PRR16: variants seen among roughly 807,000 people sequenced by gnomAD.
PRR16 encodes the protein proline rich 16.
A neutral mutation model predicts 18.2 loss-of-function variants in PRR16; 6 were observed. The observed-to-expected ratio is 0.33, with a 90% confidence interval of 0.18 to 0.65. The LOEUF (loss-of-function observed/expected upper bound fraction) is 0.65, where lower values mean the gene tolerates loss of function less well. Ranked by LOEUF, PRR16 falls within the 30% of genes least tolerant of loss-of-function variation. The probability of loss-of-function intolerance (pLI) is 0.74; values close to 1 mark genes in which losing one functional copy is unlikely to be tolerated. For synonymous variants in PRR16, 151 were observed against 147.8 expected (o/e 1.02, Z -0.16); for missense variants, 412 against 376.6 (o/e 1.09, Z -0.78).
At chr5:120,558,755 T>G (rs373811120) in intron 1 of PRR16, among the ~76,000 whole-genome samples, 18 of 152,092 alleles carry the variant, frequency 1.2e-4, no homozygotes, top group Admixed American at 3.9e-4. Context: ...CTAATTTACA[T>G]TCCCACCAAC....
At chr5:120,678,526 G>T (rs1356009190) in intron 1 of PRR16, among the ~76,000 whole-genome samples, 3 of 152,140 alleles carry the variant, frequency 2.0e-5, no homozygotes, top group South Asian at 2.1e-4. Flanking sequence ...GTGCTTATAT[G>T]TTCTGAGGGG....
intron 1 of PRR16, among the ~76,000 whole-genome samples, chr5:120,560,146 T>G (rs1752532130): frequency 6.6e-6 from 1 of 151,832 alleles, no homozygotes; most frequent in Non-Finnish European, 1.5e-5. Flanking sequence ...TTGTCCGATT[T>G]TTTTAGCTAG....
intron 1 of PRR16, among the ~76,000 whole-genome samples, chr5:120,470,116 A>G (rs1007332875): frequency 6.6e-6 from 1 of 152,206 alleles, no homozygotes; most frequent in African/African-American, 2.4e-5. Flanking sequence ...TTCCCAAACT[A>G]TAGAACTTTT....
At chr5:120,674,095 T>C (rs76399349) in intron 1 of PRR16, among the ~76,000 whole-genome samples, 8,408 of 152,236 alleles carry the variant, frequency 0.055, 619 homozygotes, top group African/African-American at 0.16. Context: ...ATCTAAACTC[T>C]TACATGTCGA....
At chr5:120,464,282 C>T (rs1749002263), upstream of PRR16, 2 of 372,228 alleles carry the variant, frequency 5.4e-6, no homozygotes, top group South Asian at 1.1e-4. Context: ...AGCCCCGAGC[C>T]GAGCGCCGCG....
chr5:120,671,040 C>T (rs1221028983), intron 1 of PRR16, among the ~76,000 whole-genome samples: 1 of 152,106 alleles, frequency 6.6e-6, no homozygotes, highest in Non-Finnish European at 1.5e-5. Context: ...GCATCTCTTT[C>T]CCTTTCTGTC....
At chr5:120,757,121 A>G in the PRR16 span, among the ~76,000 whole-genome samples, 1 of 152,090 alleles carries the variant, frequency 6.6e-6, no homozygotes, top group South Asian at 2.1e-4. Context: ...TGAAGATCAG[A>G]TGGCTGTGGG....
At chr5:120,502,680 A>G (rs1750503740) in intron 1 of PRR16, among the ~76,000 whole-genome samples, 2 of 152,108 alleles carry the variant, frequency 1.3e-5, no homozygotes, top group Admixed American at 6.6e-5. Context: ...TCCCTATTGG[A>G]GACAATTTTC....
At chr5:120,767,470 G>A in the PRR16 span, among the ~76,000 whole-genome samples, 3 of 151,940 alleles carry the variant, frequency 2.0e-5, no homozygotes, top group East Asian at 5.8e-4. Context: ...CTGGGGCAAA[G>A]TGATGTCAGG....
At chr5:120,509,862 T>G (rs1185073028) in intron 1 of PRR16, among the ~76,000 whole-genome samples, 2 of 152,150 alleles carry the variant, frequency 1.3e-5, no homozygotes, top group East Asian at 3.9e-4. Context: ...TTGAGTAATA[T>G]TTAATTCATA....
chr5:120,674,640 C>T (rs1233896789), intron 1 of PRR16, among the ~76,000 whole-genome samples: 1 of 151,996 alleles, frequency 6.6e-6, no homozygotes, highest in Non-Finnish European at 1.5e-5. Context: ...TCAGTTGGCC[C>T]TTTACATTTG....
Position 120,686,005 on chromosome 5 carries a change from A to G in PRR16, c.211A>G (p.Met71Val). ...LTSDLQLEDE[M>V]TDSSKTDTLN... Reference sequence around the variant, plus strand: ...CTCTGACCTACAGCTGGAGGATGAGATGACTGACAGCTCCAAAACGGACAC... The same window carrying G: ...CTCTGACCTACAGCTGGAGGATGAGGTGACTGACAGCTCCAAAACGGACAC... The change falls in exon 2 of 2, where the codon ATG becomes GTG. Residue 71 changes from methionine (M) to valine (V), a missense_variant. By Grantham distance (21) the Met-to-Val change is conservative. Transcript: ENST00000407149. The G allele has an allele frequency of 6.2e-7, 1 of 1,614,050 alleles. No homozygotes were observed. The highest frequency in any genetic ancestry group is 8.5e-7 in the Non-Finnish European group (1 of 1,179,956).
intron 1 of PRR16, among the ~76,000 whole-genome samples, chr5:120,628,684 TATCA>T (rs1327386939): frequency 1.3e-4 from 19 of 147,626 alleles, no homozygotes; most frequent in African/African-American, 3.3e-4. Context: ...TCTATCTATC[TATCA>T]TTCTACCATC....
At chr5:120,532,592 G>A (rs1751586935) in intron 1 of PRR16, among the ~76,000 whole-genome samples, 1 of 151,888 alleles carries the variant, frequency 6.6e-6, no homozygotes, top group Non-Finnish European at 1.5e-5. Flanking sequence ...GCAAACCATT[G>A]TTCCTTAGAC....
intron 1 of PRR16, among the ~76,000 whole-genome samples, chr5:120,645,245 A>G (rs888024453): frequency 3.9e-5 from 6 of 151,954 alleles, no homozygotes; most frequent in African/African-American, 9.7e-5. Flanking sequence ...ATGTGTTACA[A>G]TATCACAGGA....
At chr5:120,708,573 T>A in the PRR16 span, among the ~76,000 whole-genome samples, 1 of 152,160 alleles carries the variant, frequency 6.6e-6, no homozygotes, top group Non-Finnish European at 1.5e-5. Context: ...TTATTAATGT[T>A]GAGGAAATAA....
At chr5:120,590,993 C>T (rs886123255) in intron 1 of PRR16, among the ~76,000 whole-genome samples, 1 of 151,948 alleles carries the variant, frequency 6.6e-6, no homozygotes, top group Admixed American at 6.6e-5. Flanking sequence ...AATAATTGTA[C>T]TGTAGGCTGG....
chr5:120,729,402 G>A, the PRR16 span, among the ~76,000 whole-genome samples: 1 of 152,096 alleles, frequency 6.6e-6, no homozygotes, highest in Admixed American at 6.6e-5. Flanking sequence ...AATTTTGAGA[G>A]TTAAAATGAA....
In PRR16 at chr5:120,464,533, A is replaced by C. The variant is rs1749012841; in HGVS notation, c.47A>C (p.Glu16Ala). ...KGNPSSSCPAEGPPAASKTKV... is the reference protein window; with the variant it reads ...KGNPSSSCPAAGPPAASKTKV... The stretch of plus-strand genomic sequence containing the variant: ...AACCCCTCCTCGTCCTGTCCAGCCG[A>C]GGGACCGCCGGCAGCCTCCAAAACC... Residue 16 changes from glutamate to alanine, a missense_variant, in exon 1 of 2, where the codon GAG becomes GCG. Glu to Ala is a moderately radical substitution (Grantham distance 107, BLOSUM62 -1). Transcript: ENST00000407149. The C allele has an allele frequency of 6.3e-7, 1 of 1,591,910 alleles. No individual in the cohort carries two copies. Among genetic ancestry groups the C allele is most frequent in the African/African-American group, 1.3e-5 (1 of 74,832 alleles).
Sources: gnomAD v4.1 joint callset for allele counts (sites outside exome capture counted in the v4.1 genomes callset) on GRCh38, gnomAD v4.1.1 for gene constraint, MANE v1.5 for transcripts, NCBI Gene and HGNC (gene_info 2026-07-23, HGNC 2026-07-21) for gene names.